CNGB1: variants seen among roughly 807,000 people sequenced by gnomAD.
CNGB1 encodes cyclic nucleotide gated channel subunit beta 1.
CNGB1 carries 126 observed loss-of-function variants against 151.7 expected under a neutral mutation model. The ratio of observed to expected loss-of-function variants is 0.83; its 90% CI spans 0.72 to 0.96. CNGB1 has a LOEUF of 0.96. Among genes scored for constraint, CNGB1 ranks in the 40% least tolerant of loss-of-function variants. The probability of loss-of-function intolerance (pLI) is 0.00; values close to 1 mark genes in which losing one functional copy is unlikely to be tolerated. For synonymous variants in CNGB1, 623 were observed against 635.1 expected (o/e 0.98, Z 0.29); for missense variants, 1,698 against 1,627.0 (o/e 1.04, Z -0.75).
chr16:57,958,723 G>A (rs552587763), intron 10 of CNGB1, among the ~76,000 whole-genome samples: 12 of 31,170 alleles, frequency 3.8e-4, no homozygotes, highest in African/African-American at 9.2e-4. Flanking sequence ...CCTCCCACCC[G>A]TTCTCGGAAG....
chr16:57,930,334 C>CA (rs1289985525), intron 17 of CNGB1, among the ~76,000 whole-genome samples: 1 of 151,858 alleles, frequency 6.6e-6, no homozygotes, highest in Non-Finnish European at 1.5e-5. Flanking sequence ...CCCATCTCTA[C>CA]AAAAAATAAA....
chr16:57,899,324 A>G (rs1297399713), intron 29 of CNGB1, among the ~76,000 whole-genome samples: 4 of 97,730 alleles, frequency 4.1e-5, no homozygotes, highest in Admixed American at 1.0e-4. Flanking sequence ...GGTCTACAGA[A>G]AAAAAAAATA....
rs572771847 is a variant in CNGB1 at position 57,954,601 on chromosome 16, C to CCTTTAAA, written c.874+2739_874+2740insTTTAAAG. 404 of 866,626 alleles carry CCTTTAAA rather than the reference C, an allele frequency of 4.7e-4. 2 individuals carry two copies. In the South Asian group the frequency reaches 6.2e-3, roughly 13 times the overall value. 53.7% of individuals were successfully genotyped at this position (866,626 alleles called of 1,614,324 possible). On this transcript the variant is annotated intron_variant, in intron 12 of 32. Coordinates refer to ENST00000251102, the MANE Select transcript of CNGB1 (RefSeq NM_001297.5). Reference sequence around the variant, plus strand: ...CCAACACCGCAAGCCCAGGGCTATTCAGTCCACCCACTTTTAAAACCTAAA... The same window carrying CCTTTAAA: ...CCAACACCGCAAGCCCAGGGCTATTCCTTTAAAAGTCCACCCACTTTTAAAACCTAAA...
At chr16:57,906,181 G>C (rs1384992412) in intron 25 of CNGB1, among the ~76,000 whole-genome samples, 1 of 152,168 alleles carries the variant, frequency 6.6e-6, no homozygotes, top group Non-Finnish European at 1.5e-5. Context: ...CCACCTTCTG[G>C]CTGCATAACT....
chr16:57,923,008 A>G, intron 18 of CNGB1: 1 of 367,200 alleles, frequency 2.7e-6, no homozygotes, highest in Admixed American at 3.8e-5. Flanking sequence ...TCACAAGGGG[A>G]CCTCTGCCTA....
Position 57,898,212 on chromosome 16 carries a change from G to A in CNGB1, c.2977-298C>T, listed in dbSNP as rs542387228. Among the ~76,000 whole-genome samples, 4 of 152,268 alleles carry A rather than the reference G, an allele frequency of 2.6e-5. No individual in the cohort carries two copies. In the South Asian group the frequency reaches 6.2e-4, roughly 24 times the overall value. ...GTGCCAGCTAACCTGGGAGGTGCAG[G>A]TATAATGGAATTCTGCAAATTCCAG... On this transcript the variant is annotated intron_variant, in intron 29 of 32. Transcript: ENST00000251102.
At chr16:57,912,293 C>T (rs1287352257) in intron 24 of CNGB1, among the ~76,000 whole-genome samples, 3 of 152,196 alleles carry the variant, frequency 2.0e-5, no homozygotes, top group Non-Finnish European at 2.9e-5. Flanking sequence ...TACACCTGTT[C>T]CCATTCTGTT....
chr16:57,919,041 T>C (rs865853232), intron 20 of CNGB1, 58 bp downstream of exon 20: 34 of 1,612,864 alleles, frequency 2.1e-5, no homozygotes, highest in African/African-American at 4.0e-5. Flanking sequence ...CCCATCCCGC[T>C]CCAACTCTCC....
rs1960499131 is a variant in CNGB1 at position 57,904,837 on chromosome 16, A to T, written c.2531T>A (p.Ile844Asn). Residue 844 changes from isoleucine to asparagine, a missense_variant, in exon 26 of 33, where the codon ATC becomes AAC. Transcript: ENST00000251102. ...RCYYFAVKTL[I>N]TIGGLPDPKT... ...GGGGTCAGGCAGCCCCCCGATGGTG[A>T]TGAGGGTCTTCACAGCAAAGTAGTA... 3 of 1,614,180 alleles carry T rather than the reference A, an allele frequency of 1.9e-6. No homozygotes were observed. The highest frequency in any genetic ancestry group is 2.5e-6 in the Non-Finnish European group (3 of 1,180,028).
chr16:57,959,476 C>T (rs961574249), intron 10 of CNGB1, among the ~76,000 whole-genome samples: 3 of 152,076 alleles, frequency 2.0e-5, no homozygotes, highest in African/African-American at 4.8e-5. Context: ...TAGCCGGGCA[C>T]CTGTAATCCC....
intron 29 of CNGB1, 56 bp from the exon 30 acceptor site, chr16:57,897,970 C>T (rs1197014976): frequency 6.3e-7 from 1 of 1,579,042 alleles, no homozygotes. Context: ...ACCAGAGAAG[C>T]AGCCAGGGCT....
intron 32 of CNGB1, among the ~76,000 whole-genome samples, chr16:57,885,298 A>C (rs1033329978): frequency 2.0e-5 from 3 of 152,134 alleles, no homozygotes; most frequent in African/African-American, 4.8e-5. Flanking sequence ...TTGTGCAGAG[A>C]GACCTGCGCC....
At chr16:57,931,475 A>G (rs1238501611) in intron 17 of CNGB1, among the ~76,000 whole-genome samples, 1 of 152,162 alleles carries the variant, frequency 6.6e-6, no homozygotes, top group East Asian at 1.9e-4. Context: ...TATTTATTAT[A>G]TTACTCCTTC....
rs1962152314 is a variant in CNGB1 at position 57,958,618 on chromosome 16, T to G, written c.762-133A>C. 5.4e-6 allele frequency: 4 copies of G among 737,220 alleles called. No homozygotes were observed. In the East Asian group the frequency reaches 1.1e-4, roughly 20 times the overall value. The allele number at this position is 737,220 out of a possible 1,614,324, so 45.7% of individuals were successfully genotyped here. ...AGCCTGCCAGGAGCCAGAGCCCAGG[T>G]CTCCAGCCCTGAAGACCATTCTCCC... On this transcript the variant is annotated intron_variant, in intron 10 of 32. Transcript: ENST00000251102.
intron 27 of CNGB1, among the ~76,000 whole-genome samples, 163 bp from the exon 28 acceptor site, chr16:57,901,788 G>A (rs1354858486): frequency 2.6e-5 from 4 of 152,182 alleles, no homozygotes; most frequent in South Asian, 4.1e-4. Context: ...CCAGGCATTT[G>A]CCAATACCGT....
chr16:57,918,958 A>T, intron 20 of CNGB1, 141 bp downstream of exon 20: 2 of 1,466,612 alleles, frequency 1.4e-6, no homozygotes, highest in Non-Finnish European at 9.2e-7. Flanking sequence ...AATACTTTTG[A>T]AAGGTATAAA....
chr16:57,919,095 T>A lies in CNGB1; in HGVS notation c.1957+4A>T, dbSNP rs1216880182. On this transcript the variant is annotated splice_donor_region_variant and intron_variant, in intron 20 of 32. Coordinates refer to ENST00000251102, the MANE Select transcript of CNGB1 (RefSeq NM_001297.5). ...AGTGGGAACACCCATTCCCCAGGAC[T>A]CACTGGTCAGCGGGTCAATGCTCTG... 1 of 1,614,192 alleles carries A rather than the reference T, an allele frequency of 6.2e-7. No individual in the cohort carries two copies. The highest frequency in any genetic ancestry group is 1.7e-5 in the Admixed American group (1 of 60,024).
At chr16:57,913,166 T>C (rs1245419002) in intron 23 of CNGB1, among the ~76,000 whole-genome samples, 172 bp from the exon 24 acceptor site, 1 of 152,090 alleles carries the variant, frequency 6.6e-6, no homozygotes, top group Non-Finnish European at 1.5e-5. Flanking sequence ...GGCCAGAAAC[T>C]CCATTTAGGA....
At chr16:57,918,397 G>A (rs1960939050) in intron 20 of CNGB1, among the ~76,000 whole-genome samples, 1 of 152,196 alleles carries the variant, frequency 6.6e-6, no homozygotes, top group Non-Finnish European at 1.5e-5. Context: ...GAAAAGGTCA[G>A]ATAAGAAAGG....
Sources: gnomAD v4.1 joint callset for allele counts (sites outside exome capture counted in the v4.1 genomes callset) on GRCh38, gnomAD v4.1.1 for gene constraint, MANE v1.5 for transcripts, NCBI Gene and HGNC (gene_info 2026-07-23, HGNC 2026-07-21) for gene names.